The following CSMD1 variants were observed in gnomAD, a reference collection of about 807,000 sequenced individuals.
The protein encoded by CSMD1 is CUB and Sushi multiple domains 1.
CSMD1 carries 213 observed loss-of-function variants against 417.5 expected under a neutral mutation model. That is an observed-to-expected ratio of 0.51 (90% CI 0.46 to 0.57). The LOEUF is 0.57. Among genes scored for constraint, CSMD1 ranks in the 20% least tolerant of loss-of-function variants. CSMD1 has a pLI of 0.00. For missense variants in CSMD1, 6,923 were observed against 4,529.7 expected (o/e 1.53, Z -15.17); for synonymous variants, 2,862 against 1,736.8 (o/e 1.65, Z -16.11).
intron 3 of CSMD1, among the ~76,000 whole-genome samples, chr8:4,135,337 AGAAG>A (rs1385268589): frequency 1.5e-4 from 5 of 33,818 alleles, no homozygotes; most frequent in African/African-American, 4.2e-4. Context: ...GGAAGGGGAA[AGAAG>A]GAAGGAAGGG....
intron 5 of CSMD1, among the ~76,000 whole-genome samples, chr8:3,829,031 A>ATTT (rs1476800839): frequency 4.1e-4 from 61 of 150,372 alleles, no homozygotes; most frequent in East Asian, 1.6e-3. Flanking sequence ...TTTTTTTAAA[A>ATTT]AAATGTATTT....
chr8:3,871,944 C>T (rs946978474), intron 5 of CSMD1, among the ~76,000 whole-genome samples: 3 of 152,126 alleles, frequency 2.0e-5, no homozygotes, highest in African/African-American at 7.2e-5. Context: ...AAAACACAGC[C>T]TAAGTTTTGC....
chr8:4,684,319 T>A (rs538252734), intron 1 of CSMD1, among the ~76,000 whole-genome samples: 12 of 152,342 alleles, frequency 7.9e-5, no homozygotes, highest in African/African-American at 2.9e-4. Context: ...ATCGGTTTTC[T>A]GTTTGTCCAA....
At chr8:2,958,970 G>C (rs1188603327) in intron 62 of CSMD1, among the ~76,000 whole-genome samples, 1 of 152,238 alleles carries the variant, frequency 6.6e-6, no homozygotes, top group Non-Finnish European at 1.5e-5. Flanking sequence ...GCTGCTTCTA[G>C]CACTTGATAA....
intron 10 of CSMD1, among the ~76,000 whole-genome samples, chr8:3,542,498 A>G (rs1255779586): frequency 6.6e-6 from 1 of 152,196 alleles, no homozygotes; most frequent in Admixed American, 6.5e-5. Context: ...AAAAAGCAAT[A>G]AATCAGTGAC....
chr8:3,027,943 G>T (rs603688), intron 51 of CSMD1, among the ~76,000 whole-genome samples: 1 of 152,050 alleles, frequency 6.6e-6, no homozygotes, highest in Non-Finnish European at 1.5e-5. Flanking sequence ...GCTCTCCACT[G>T]TACGTGAAAA....
chr8:4,055,585 G>T (rs987709013), intron 3 of CSMD1, among the ~76,000 whole-genome samples: 1 of 150,502 alleles, frequency 6.6e-6, no homozygotes, highest in African/African-American at 2.5e-5. Context: ...AATCAGCTAA[G>T]ATTTAATAAC....
At chr8:3,144,797 G>GC (rs201840243) in intron 40 of CSMD1, among the ~76,000 whole-genome samples, 2 of 133,740 alleles carry the variant, frequency 1.5e-5, no homozygotes, top group African/African-American at 5.6e-5. Flanking sequence ...GGCAACAAGG[G>GC]GGGGGGGGAG....
chr8:3,307,759 C>A lies in CSMD1; in HGVS notation c.3886G>T (p.Ala1296Ser). 1 of 1,613,718 alleles carries A rather than the reference C, an allele frequency of 6.2e-7. No homozygotes were observed. Among genetic ancestry groups the A allele is most frequent in the Non-Finnish European group, 8.5e-7 (1 of 1,179,728 alleles). The change falls in exon 25 of 70, where the codon GCT (alanine) becomes TCT (serine). Residue 1296 changes from alanine to serine, a missense_variant. Physicochemically the swap from Ala to Ser is moderately conservative, Grantham distance 99 (BLOSUM62 1). Coordinates refer to ENST00000635120, the MANE Select transcript of CSMD1 (RefSeq NM_033225.6). ...SGRILSPGYP[A>S]PYDNNLHCTW... ...CAGTGGAGGTTGTTGTCATACGGAG[C>A]TGGATAGCCAGGGGACAATATTCGT...
At chr8:3,130,338 T>TA (rs1817728297) in intron 41 of CSMD1, among the ~76,000 whole-genome samples, 1 of 152,066 alleles carries the variant, frequency 6.6e-6, no homozygotes, top group Non-Finnish European at 1.5e-5. Context: ...ACGTCGTGCA[T>TA]ACAGCCAGAC....
At chr8:3,636,930 T>G (rs1469053141) in intron 7 of CSMD1, among the ~76,000 whole-genome samples, 2 of 152,148 alleles carry the variant, frequency 1.3e-5, no homozygotes, top group Non-Finnish European at 2.9e-5. Context: ...CATGAATGAA[T>G]TAGTATCATT....
chr8:4,002,946 G>A (rs934361701), intron 4 of CSMD1, among the ~76,000 whole-genome samples: 3 of 152,110 alleles, frequency 2.0e-5, no homozygotes, highest in African/African-American at 7.2e-5. Flanking sequence ...AACTGTGAAT[G>A]TTACGGAAGC....
intron 23 of CSMD1, among the ~76,000 whole-genome samples, chr8:3,312,351 A>G (rs10503200): frequency 0.033 from 5,019 of 152,250 alleles, 92 homozygotes; most frequent in African/African-American, 0.049. Context: ...TTTTTGCAAA[A>G]GATCACTTAA....
intron 4 of CSMD1, among the ~76,000 whole-genome samples, chr8:4,021,734 C>G (rs1028941892): frequency 6.6e-6 from 1 of 152,116 alleles, no homozygotes; most frequent in Non-Finnish European, 1.5e-5. Flanking sequence ...TATCCCTTTA[C>G]CTATCCCCGT....
chr8:3,383,239 A>C (rs1365253864), intron 18 of CSMD1, among the ~76,000 whole-genome samples: 1 of 152,246 alleles, frequency 6.6e-6, no homozygotes, highest in Non-Finnish European at 1.5e-5. Context: ...AAATCGCATC[A>C]AATTGTTCAC....
chr8:4,956,628 G>A (rs1217768467), intron 1 of CSMD1, among the ~76,000 whole-genome samples: 1 of 151,550 alleles, frequency 6.6e-6, no homozygotes, highest in African/African-American at 2.4e-5. Flanking sequence ...ATATGTAAAT[G>A]CAGAAAATTA....
chr8:4,834,774 G>A (rs1800360966), intron 1 of CSMD1, among the ~76,000 whole-genome samples: 1 of 151,426 alleles, frequency 6.6e-6, no homozygotes, highest in African/African-American at 2.4e-5. Context: ...GGCTAACACG[G>A]TGAAACCCCG....
At chr8:4,674,151 T>C (rs577621832) in intron 1 of CSMD1, among the ~76,000 whole-genome samples, 21 of 152,250 alleles carry the variant, frequency 1.4e-4, no homozygotes, top group African/African-American at 4.6e-4. Flanking sequence ...ACTGGAACCA[T>C]AGATGAGGTG....
intron 5 of CSMD1, among the ~76,000 whole-genome samples, chr8:3,934,152 T>C (rs1448437898): frequency 6.6e-6 from 1 of 152,204 alleles, no homozygotes; most frequent in Non-Finnish European, 1.5e-5. Flanking sequence ...TGAGCTCATA[T>C]TTTACAGAAA....
Sources: allele counts gnomAD v4.1 joint callset (sites outside exome capture counted in the v4.1 genomes callset), GRCh38; gene constraint gnomAD v4.1.1; transcripts MANE v1.5; gene names NCBI Gene and HGNC (gene_info 2026-07-23, HGNC 2026-07-21).